SAP130: variants seen among roughly 807,000 people sequenced by gnomAD.
The protein encoded by SAP130 is Sin3A associated protein 130.
A neutral mutation model predicts 103.2 loss-of-function variants in SAP130; 16 were observed. The ratio of observed to expected loss-of-function variants is 0.16; its 90% CI spans 0.10 to 0.24. The LOEUF (loss-of-function observed/expected upper bound fraction) is 0.24. Among genes scored for constraint, SAP130 ranks in the 10% least tolerant of loss-of-function variants. The probability of loss-of-function intolerance (pLI) is 1.00; values close to 1 mark genes in which losing one functional copy is unlikely to be tolerated. For synonymous variants in SAP130, 477 were observed against 497.0 expected, an observed-to-expected ratio of 0.96 and a Z score of 0.53; for missense variants, 990 against 1,359.7, an observed-to-expected ratio of 0.73 and a Z score of 4.28.
chr2:127,964,492 C>A, intron 15 of SAP130, among the ~76,000 whole-genome samples: 2 of 29,052 alleles, frequency 6.9e-5, no homozygotes, highest in Non-Finnish European at 7.4e-5. Context: ...GAAACTCCAT[C>A]TCAAAAAAAA....
At chr2:127,946,721 AAAAATAC>A (rs2104700050) in intron 18 of SAP130, among the ~76,000 whole-genome samples, 1 of 151,578 alleles carries the variant, frequency 6.6e-6, no homozygotes, top group East Asian at 1.9e-4. Context: ...TGTCTCTACT[AAAAATAC>A]AAAAAATTAG....
chr2:128,013,708 A>T (rs1684561827), intron 5 of SAP130, among the ~76,000 whole-genome samples: 1 of 152,236 alleles, frequency 6.6e-6, no homozygotes, highest in African/African-American at 2.4e-5. Context: ...CTCCAATAAA[A>T]GGTAAAAATT....
chr2:128,027,622 GCCGCCCGCCCGCCCGC>G (rs897753560), intron 1 of SAP130, among the ~76,000 whole-genome samples: 1 of 146,332 alleles, frequency 6.8e-6, no homozygotes, highest in Non-Finnish European at 1.5e-5. Context: ...CCCTGGGCCG[GCCGCCCGCCCGCCCGC>G]CCGCCCGCGC....
At chr2:128,026,120 T>G (rs1685479237) in intron 2 of SAP130, 61 bp downstream of exon 2, 1 of 1,145,864 alleles carries the variant, frequency 8.7e-7, no homozygotes, top group Non-Finnish European at 1.3e-6. Context: ...AATTTTTAAG[T>G]TAGAAAACTG....
At chr2:128,012,800 C>A (rs1442589007) in intron 6 of SAP130, among the ~76,000 whole-genome samples, 2 of 151,736 alleles carry the variant, frequency 1.3e-5, no homozygotes, top group Non-Finnish European at 2.9e-5. Context: ...TCCCCCTTCA[C>A]TTCCTCTTCA....
Position 127,993,223 on chromosome 2 carries a change from T to C in SAP130, c.1441A>G (p.Ile481Val). 3 of 1,613,994 alleles carry C rather than the reference T, an allele frequency of 1.9e-6. No homozygotes were observed. Among genetic ancestry groups the C allele is most frequent in the Non-Finnish European group, 2.5e-6 (3 of 1,179,982 alleles). Residue 481 changes from isoleucine (I) to valine (V), a missense_variant, in exon 12 of 21, where the codon ATC becomes GTC. Transcript: ENST00000643581. ...CGGATAGTGGACACGGAACTGGTGA[T>C]TGGGGTGTAGGTATGTGCCGCCAGT... ...YPLAAHTYTP[I>V]TSSVSTIRQY...
chr2:128,017,242 A>T (rs1684846125), intron 3 of SAP130, among the ~76,000 whole-genome samples: 1 of 152,156 alleles, frequency 6.6e-6, no homozygotes, highest in South Asian at 2.1e-4. Context: ...GAACCGCTTG[A>T]ACCTTGGAGG....
chr2:127,952,886 T>C (rs1416557873), intron 16 of SAP130, among the ~76,000 whole-genome samples: 3 of 152,162 alleles, frequency 2.0e-5, no homozygotes, highest in East Asian at 1.9e-4. Context: ...GACTAGATCA[T>C]GGACTGCTTC....
At chr2:128,019,782 G>A (rs1487392877) in intron 2 of SAP130, among the ~76,000 whole-genome samples, 4 of 151,972 alleles carry the variant, frequency 2.6e-5, no homozygotes, top group Non-Finnish European at 5.9e-5. Flanking sequence ...AGATACTCAG[G>A]AGGCTGAGGC....
Position 127,986,056 on chromosome 2 carries a change from G to A in SAP130, c.1958+729C>T, listed in dbSNP as rs74539594. Among the ~76,000 whole-genome samples, 1 of 152,148 alleles carries A rather than the reference G, an allele frequency of 6.6e-6. No homozygotes were observed. Among genetic ancestry groups the A allele is most frequent in the African/African-American group, 2.4e-5 (1 of 41,432 alleles). ...ATCTGCTGAGAGCTACTTCTACTCAGTAAAACCCTACACTCATTCTCCAAG... is the reference window on the plus strand; with the variant it reads ...ATCTGCTGAGAGCTACTTCTACTCAATAAAACCCTACACTCATTCTCCAAG... On this transcript the variant is annotated intron_variant, in intron 14 of 20. Transcript: ENST00000643581. The surrounding 1 kb of genome is among the most constrained non-coding windows in gnomAD (Gnocchi z 4.7).
intron 15 of SAP130, among the ~76,000 whole-genome samples, chr2:127,956,190 T>C (rs1434306378): frequency 6.6e-6 from 1 of 152,218 alleles, no homozygotes; most frequent in Non-Finnish European, 1.5e-5. Flanking sequence ...CTGGGATAGC[T>C]AGCACGTGGA....
intron 10 of SAP130, among the ~76,000 whole-genome samples, chr2:127,998,006 C>G (rs958270464): frequency 1.3e-5 from 2 of 151,460 alleles, no homozygotes; most frequent in African/African-American, 4.8e-5. Context: ...CCCAGCTACT[C>G]GGAAGGCTGA....
intron 18 of SAP130, 48 bp from the exon 19 acceptor site, chr2:127,945,607 G>A (rs1368040610): frequency 8.6e-7 from 1 of 1,166,062 alleles, no homozygotes. Context: ...GTTTAAAAAG[G>A]TAAATGATTT....
chr2:127,987,585 GTTACT>G (rs1281904623), intron 13 of SAP130, among the ~76,000 whole-genome samples: 2 of 151,890 alleles, frequency 1.3e-5, no homozygotes, highest in Admixed American at 6.6e-5. Flanking sequence ...CACTCTACTA[GTTACT>G]TTACATTTTT....
intron 19 of SAP130, among the ~76,000 whole-genome samples, chr2:127,944,085 G>C (rs1559024285): frequency 6.6e-6 from 1 of 152,052 alleles, no homozygotes; most frequent in African/African-American, 2.4e-5. Flanking sequence ...AGGATGGAGT[G>C]CAGTGGTGCG....
In SAP130 at chr2:127,996,211, G is replaced by A. The variant is rs1683165651; in HGVS notation, c.1355+139C>T. On this transcript the variant is annotated intron_variant, in intron 11 of 20. Coordinates refer to ENST00000643581, the MANE Select transcript of SAP130 (RefSeq NM_001330301.2). The surrounding 1 kb of genome is among the most constrained non-coding windows in gnomAD (Gnocchi z 4.3). ...TCGCACATAAAAAAAGGAATTATAC[G>A]AAGTGTTACTTTCAGGGGAAAATCT... 4 of 687,298 alleles carry A rather than the reference G, an allele frequency of 5.8e-6. No individual in the cohort carries two copies. Among genetic ancestry groups the A allele is most frequent in the South Asian group, 4.9e-5 (1 of 20,498 alleles). The allele number at this position is 687,298 out of a possible 1,614,324, so 42.6% of individuals were successfully genotyped here.
rs114330849 is a variant in SAP130, at chr2:127,957,534, C to T, written c.2064-2190G>A. Among the ~76,000 whole-genome samples, 1,087 of 151,996 alleles carry T rather than the reference C, an allele frequency of 7.2e-3. 19 individuals are homozygous for T. The highest frequency in any genetic ancestry group is 0.025 in the African/African-American group (1,042 of 41,450). On this transcript the variant is annotated intron_variant, in intron 15 of 20. Coordinates refer to ENST00000643581, the MANE Select transcript of SAP130 (RefSeq NM_001330301.2). ...TACAAAAACAGAAACACTAGCTGGGCGTGGTGGTGTATGCCTGTGGTCCTA... is the reference window on the plus strand; with the variant it reads ...TACAAAAACAGAAACACTAGCTGGGTGTGGTGGTGTATGCCTGTGGTCCTA...
intron 2 of SAP130, among the ~76,000 whole-genome samples, chr2:128,021,080 A>G (rs958063795): frequency 2.0e-5 from 3 of 152,124 alleles, no homozygotes; most frequent in Admixed American, 2.0e-4. Context: ...TTATTTCCAA[A>G]TTTTTGCTTT....
chr2:127,986,719 G>A lies in SAP130; in HGVS notation c.1958+66C>T, dbSNP rs1266888253. 8.3e-6 allele frequency: 12 copies of A among 1,451,500 alleles called. No homozygotes were observed. Among genetic ancestry groups the A allele is most frequent in the Non-Finnish European group, 1.1e-5 (12 of 1,051,598 alleles). 89.9% of individuals were successfully genotyped at this position (1,451,500 alleles called of 1,614,324 possible). A position where few individuals can be genotyped will look rare whatever the true frequency, so the allele number is the denominator to read the frequency against. On this transcript the variant is annotated intron_variant, in intron 14 of 20. Coordinates refer to ENST00000643581, the MANE Select transcript of SAP130 (RefSeq NM_001330301.2). The surrounding 1 kb of genome is among the most constrained non-coding windows in gnomAD (Gnocchi z 4.7). ...TTTGATACCAGCATTAGATAAGAGT[G>A]CCTATTATGTATACCAGTTATATCC...
Sources: gnomAD v4.1 joint callset for allele counts (sites outside exome capture counted in the v4.1 genomes callset) on GRCh38, gnomAD v4.1.1 for gene constraint, Gnocchi (gnomAD v3.1) non-coding constraint, MANE v1.5 for transcripts, NCBI Gene and HGNC (gene_info 2026-07-23, HGNC 2026-07-21) for gene names.